Variants in UGT1A8 observed in about 807,000 individuals in gnomAD.
UGT1A8 encodes the protein UDP-glucuronosyltransferase 1A8.
A neutral mutation model predicts 45.3 loss-of-function variants in UGT1A8; 39 were observed. The ratio of observed to expected loss-of-function variants is 0.86; its 90% CI spans 0.67 to 1.12. The LOEUF (loss-of-function observed/expected upper bound fraction) is 1.12. UGT1A8 is among the 50% of genes most tolerant of loss of function. The pLI is 0.00. For synonymous variants in UGT1A8, 275 were observed against 249.2 expected, an observed-to-expected ratio of 1.10 and a Z score of -0.97; for missense variants, 719 against 664.9, an observed-to-expected ratio of 1.08 and a Z score of -0.90.
intron 1 of UGT1A8, among the ~76,000 whole-genome samples, chr2:233,732,497 G>A (rs2078278332): frequency 6.6e-6 from 1 of 152,228 alleles, no homozygotes; most frequent in Non-Finnish European, 1.5e-5. Flanking sequence ...TAAGGCGTAA[G>A]GAAGGGATCC....
intron 1 of UGT1A8, among the ~76,000 whole-genome samples, chr2:233,680,518 C>T (rs2074488970): frequency 6.6e-6 from 1 of 152,100 alleles, no homozygotes; most frequent in African/African-American, 2.4e-5. Flanking sequence ...GAATTATGCC[C>T]TGAGGTTGGC....
intron 1 of UGT1A8, among the ~76,000 whole-genome samples, chr2:233,732,129 GTTGT>G (rs201829156): frequency 0.39 from 58,964 of 151,470 alleles, 11,923 homozygotes; most frequent in African/African-American, 0.5. Context: ...TTTTGATGAG[GTTGT>G]TTGTTTGTTT....
At chr2:233,716,382 C>T (rs2076502409) in intron 1 of UGT1A8, among the ~76,000 whole-genome samples, 3 of 152,170 alleles carry the variant, frequency 2.0e-5, no homozygotes, top group Admixed American at 2.0e-4. Context: ...TTCTGCCTAC[C>T]ACAGACACTA....
At chr2:233,678,572 C>T (rs944278789) in intron 1 of UGT1A8, among the ~76,000 whole-genome samples, 1 of 152,180 alleles carries the variant, frequency 6.6e-6, no homozygotes, top group East Asian at 1.9e-4. Context: ...ACTAATCCTT[C>T]TTCCCCATTT....
intron 1 of UGT1A8, chr2:233,718,800 C>T (rs779656703): frequency 5.0e-6 from 8 of 1,613,106 alleles, no homozygotes; most frequent in African/African-American, 4.0e-5. Context: ...GGACAGTCAG[C>T]TGTCGGTGGC....
At chr2:233,636,630 T>A (rs770883719) in intron 1 of UGT1A8, 1 of 1,613,990 alleles carries the variant, frequency 6.2e-7, no homozygotes, top group Admixed American at 1.7e-5. Flanking sequence ...TGGATGGGAG[T>A]CACTGGTTCA....
At chr2:233,678,706 CT>C (rs1286679925) in intron 1 of UGT1A8, among the ~76,000 whole-genome samples, 1 of 152,100 alleles carries the variant, frequency 6.6e-6, no homozygotes, top group East Asian at 1.9e-4. Context: ...GGCACTGCTT[CT>C]TCTACATCTT....
At chr2:233,626,886 A>G (rs1210735080) in intron 1 of UGT1A8, among the ~76,000 whole-genome samples, 9 of 152,098 alleles carry the variant, frequency 5.9e-5, no homozygotes, top group Non-Finnish European at 1.3e-4. Flanking sequence ...ACAGTCCCTT[A>G]CTGGCAATGC....
intron 1 of UGT1A8, chr2:233,754,506 C>A: frequency 2.8e-6 from 1 of 356,440 alleles, no homozygotes; most frequent in South Asian, 2.1e-5. Flanking sequence ...GTCCGCTATT[C>A]CTCCAGATGT....
chr2:233,744,032 T>C, intron 1 of UGT1A8: 1 of 835,228 alleles, frequency 1.2e-6, no homozygotes, highest in African/African-American at 1.8e-5. Context: ...ACGCCCCTTA[T>C]GACGCAGCCA....
chr2:233,672,705 T>C, intron 1 of UGT1A8: 1 of 1,614,002 alleles, frequency 6.2e-7, no homozygotes, highest in South Asian at 1.1e-5. Flanking sequence ...GAACGGACTT[T>C]GTTTTGGACT....
chr2:233,661,887 C>T (rs756144873), intron 1 of UGT1A8, among the ~76,000 whole-genome samples: 9 of 151,840 alleles, frequency 5.9e-5, no homozygotes, highest in Non-Finnish European at 1.0e-4. Context: ...CTGATATGCA[C>T]CAAACATGAC....
chr2:233,625,554 A>G (rs1451890908), intron 1 of UGT1A8, among the ~76,000 whole-genome samples: 2 of 151,996 alleles, frequency 1.3e-5, no homozygotes, highest in Non-Finnish European at 2.9e-5. Flanking sequence ...GTGCCTGTCA[A>G]TAGTGGATTG....
At chr2:233,628,064 A>G (rs1414227395) in intron 1 of UGT1A8, among the ~76,000 whole-genome samples, 3 of 152,096 alleles carry the variant, frequency 2.0e-5, no homozygotes, top group Non-Finnish European at 2.9e-5. Flanking sequence ...CAAAATTATT[A>G]CAGTAGTGTA....
At chr2:233,651,958 C>A (rs2073753683) in intron 1 of UGT1A8, among the ~76,000 whole-genome samples, 1 of 151,858 alleles carries the variant, frequency 6.6e-6, no homozygotes, top group Non-Finnish European at 1.5e-5. Context: ...GATAGCAGAT[C>A]ATCATTCAAG....
intron 1 of UGT1A8, among the ~76,000 whole-genome samples, chr2:233,681,375 AT>A (rs1457082228): frequency 6.6e-6 from 1 of 151,808 alleles, no homozygotes; most frequent in Non-Finnish European, 1.5e-5. Flanking sequence ...CTCCACTAAA[AT>A]ACAAAAAGTT....
chr2:233,627,687 T>C (rs2125452327), intron 1 of UGT1A8, among the ~76,000 whole-genome samples: 1 of 151,258 alleles, frequency 6.6e-6, no homozygotes, highest in East Asian at 1.9e-4. Context: ...CTTCTTTCTT[T>C]CTTTCTTTTC....
chr2:233,698,542 G>A (rs1205861943), intron 1 of UGT1A8, among the ~76,000 whole-genome samples: 1 of 152,168 alleles, frequency 6.6e-6, no homozygotes, highest in Non-Finnish European at 1.5e-5. Flanking sequence ...CAGAACACGA[G>A]TGGCCAACAA....
chr2:233,772,910 T>G lies in UGT1A8; in HGVS notation c.*351T>G, dbSNP rs1169260027. 5.1e-6 allele frequency: 2 copies of G among 393,790 alleles called. No individual in the cohort carries two copies. Among genetic ancestry groups the G allele is most frequent in the Non-Finnish European group, 8.9e-6 (2 of 225,424 alleles). The allele number at this position is 393,790 out of a possible 1,614,324, so 24.4% of individuals were successfully genotyped here. A position where few individuals can be genotyped will look rare whatever the true frequency, so the allele number is the denominator to read the frequency against. On this transcript the variant is annotated 3_prime_UTR_variant, in exon 5 of 5. Transcript: ENST00000373450. ...AAGGTGGTCCCACGGCTGCCCCTAC[T>G]GCAAATGGCAGTTTTAATCTTATCT...
Sources: allele counts gnomAD v4.1 joint callset (sites outside exome capture counted in the v4.1 genomes callset), GRCh38; gene constraint gnomAD v4.1.1; transcripts MANE v1.5; gene names NCBI Gene and HGNC (gene_info 2026-07-23, HGNC 2026-07-21).